The following UXS1 variants were observed in gnomAD, a reference collection of about 807,000 sequenced individuals.
UXS1 encodes the protein UDP-glucuronic acid decarboxylase 1.
In UXS1, 33 loss-of-function variants were observed where a neutral mutation model predicts 62.6. The ratio of observed to expected loss-of-function variants is 0.53; its 90% CI spans 0.40 to 0.70. The LOEUF (loss-of-function observed/expected upper bound fraction) is 0.70. Among genes scored for constraint, UXS1 ranks in the 30% least tolerant of loss-of-function variants. The pLI is 0.00. For synonymous variants in UXS1, 213 were observed against 206.8 expected, an observed-to-expected ratio of 1.03 and a Z score of -0.26; for missense variants, 434 against 556.3, an observed-to-expected ratio of 0.78 and a Z score of 2.21.
intron 10 of UXS1, among the ~76,000 whole-genome samples, chr2:106,111,087 C>A (rs966521669): frequency 1.8e-4 from 27 of 152,182 alleles, no homozygotes; most frequent in African/African-American, 6.5e-4. Flanking sequence ...CCCCTCTTTA[C>A]AAGGCTCCCT....
chr2:106,122,943 C>T (rs1679637484), intron 9 of UXS1, 27 bp downstream of exon 9: 2 of 1,612,214 alleles, frequency 1.2e-6, no homozygotes, highest in East Asian at 2.2e-5. Context: ...CACGCCTAAA[C>T]CGCAAGCCTA....
intron 6 of UXS1, among the ~76,000 whole-genome samples, chr2:106,137,349 C>T (rs1680740943): frequency 6.6e-6 from 1 of 152,232 alleles, no homozygotes; most frequent in Non-Finnish European, 1.5e-5. Flanking sequence ...CAGACCGGGT[C>T]AGTTCCTGCT....
intron 9 of UXS1, among the ~76,000 whole-genome samples, chr2:106,120,481 C>T (rs1331146808): frequency 6.6e-6 from 1 of 152,222 alleles, no homozygotes; most frequent in Non-Finnish European, 1.5e-5. Context: ...CCTCCCTCAA[C>T]GTGCCCCCAG....
chr2:106,184,011 G>C (rs1247893555), intron 1 of UXS1, among the ~76,000 whole-genome samples: 3 of 152,040 alleles, frequency 2.0e-5, no homozygotes, highest in African/African-American at 7.3e-5. Context: ...GGCCAACATG[G>C]TAAAACCTCA....
chr2:106,104,944 G>A, intron 10 of UXS1, 107 bp from the exon 11 acceptor site: 1 of 1,344,364 alleles, frequency 7.4e-7, no homozygotes. Flanking sequence ...TGATCCCAGG[G>A]GGCAGTGATG....
At chr2:106,102,990 TG>T (rs1429077298) in intron 11 of UXS1, 1 of 152,232 alleles carries the variant, frequency 6.6e-6, no homozygotes, top group African/African-American at 2.4e-5. Flanking sequence ...TTAACAACCA[TG>T]TGTCTAGGGA....
chr2:106,158,017 T>C, intron 5 of UXS1, 41 bp downstream of exon 5: 1 of 1,483,086 alleles, frequency 6.7e-7, no homozygotes, highest in Middle Eastern at 1.8e-4. Flanking sequence ...AAAAAGAAAG[T>C]TTCTTAATAT....
At chr2:106,129,277 G>A (rs904919106) in intron 7 of UXS1, among the ~76,000 whole-genome samples, 1 of 152,098 alleles carries the variant, frequency 6.6e-6, no homozygotes, top group Admixed American at 6.5e-5. Context: ...CCCAACCTGG[G>A]GATCAGAGCC....
intron 8 of UXS1, 137 bp downstream of exon 8, chr2:106,125,472 CCCGGGAGGCCG>C: frequency 1.6e-6 from 1 of 629,300 alleles, no homozygotes; most frequent in Non-Finnish European, 2.4e-6. Context: ...AGCTTGGCGA[CCCGGGAGGCCG>C]ACAGGTAGCC....
At chr2:106,186,914 T>C (rs1684594193) in intron 1 of UXS1, among the ~76,000 whole-genome samples, 1 of 152,196 alleles carries the variant, frequency 6.6e-6, no homozygotes, top group South Asian at 2.1e-4. Flanking sequence ...TCTTAGATAT[T>C]ATTTTGTTAA....
chr2:106,123,041 T>C lies in UXS1; in HGVS notation c.688A>G (p.Ile230Val), dbSNP rs200265406. ...SEDYWGHVNP[I>V]GPRACYDEGK... is the part of the protein sequence containing the mutation. Reference sequence around the variant, plus strand: ...TCATCGTAGCAGGCCCGAGGTCCTATTGGATTCACGTGGCCCCAGTAATCC... The same window carrying C: ...TCATCGTAGCAGGCCCGAGGTCCTACTGGATTCACGTGGCCCCAGTAATCC... The change falls in exon 9 of 15, where the codon ATA becomes GTA. Residue 230 changes from isoleucine to valine, a missense_variant. Around this residue, in one of 3 missense-constraint regions of UXS1, gnomAD observed 134 missense variants for 251.9 expected, o/e 0.53. Transcript: ENST00000283148. The C allele has an allele frequency of 1.1e-4, 182 of 1,614,008 alleles. No individual in the cohort carries two copies. In the East Asian group the frequency reaches 1.1e-3, roughly 10 times the overall value.
At chr2:106,178,604 GTA>G (rs1245455608) in intron 1 of UXS1, among the ~76,000 whole-genome samples, 9 of 152,150 alleles carry the variant, frequency 5.9e-5, no homozygotes, top group Admixed American at 4.6e-4. Flanking sequence ...GTATGTGTGT[GTA>G]TATATGTGTG....
At chr2:106,146,083 T>G (rs1681539670) in intron 5 of UXS1, among the ~76,000 whole-genome samples, 1 of 152,230 alleles carries the variant, frequency 6.6e-6, no homozygotes, top group African/African-American at 2.4e-5. Flanking sequence ...AAAAGTCAAC[T>G]GCGCTTGAAA....
intron 1 of UXS1, among the ~76,000 whole-genome samples, chr2:106,167,653 A>T (rs1333148334): frequency 2.0e-5 from 3 of 152,242 alleles, no homozygotes; most frequent in Non-Finnish European, 4.4e-5. Flanking sequence ...AAAAGTGGCA[A>T]GAAAGCAGGG....
intron 1 of UXS1, among the ~76,000 whole-genome samples, chr2:106,189,024 G>A (rs1398660649): frequency 3.3e-5 from 5 of 152,056 alleles, no homozygotes; most frequent in East Asian, 3.8e-4. Context: ...ATGAGGAGAC[G>A]TCCCAAAAGT....
At chr2:106,149,185 A>C (rs1681819046) in intron 5 of UXS1, among the ~76,000 whole-genome samples, 1 of 152,096 alleles carries the variant, frequency 6.6e-6, no homozygotes, top group South Asian at 2.1e-4. Context: ...ATGGCAGATG[A>C]GGGGAAAAAA....
chr2:106,144,994 G>A (rs1176168385), intron 6 of UXS1, among the ~76,000 whole-genome samples, 196 bp downstream of exon 6: 1 of 152,100 alleles, frequency 6.6e-6, no homozygotes, highest in African/African-American at 2.4e-5. Context: ...GAGAGAAGAC[G>A]GCTATTCACA....
At chr2:106,115,363 G>A (rs973903548) in intron 9 of UXS1, among the ~76,000 whole-genome samples, 4 of 152,218 alleles carry the variant, frequency 2.6e-5, no homozygotes, top group African/African-American at 4.8e-5. Context: ...CCCACACAAT[G>A]TTCTGCCTGC....
intron 1 of UXS1, among the ~76,000 whole-genome samples, chr2:106,191,986 C>A (rs1446435806): frequency 2.6e-5 from 4 of 152,282 alleles, no homozygotes. Context: ...ACAGAACAAC[C>A]TATTAGTGAT....
Sources: gnomAD v4.1 joint callset for allele counts (sites outside exome capture counted in the v4.1 genomes callset) on GRCh38, gnomAD v4.1.1 for gene constraint, gnomAD v4.1.1 regional missense constraint, MANE v1.5 for transcripts, NCBI Gene and HGNC (gene_info 2026-07-23, HGNC 2026-07-21) for gene names.